CAST: variants seen among roughly 807,000 people sequenced by gnomAD.
CAST encodes MIR583 host.
CAST carries 76 observed loss-of-function variants against 119.6 expected under a neutral mutation model. That is an observed-to-expected ratio of 0.64 (90% CI 0.53 to 0.77). The LOEUF is 0.77. Among genes scored for constraint, CAST ranks in the 30% least tolerant of loss-of-function variants. The pLI, the probability that CAST is intolerant of heterozygous loss-of-function variation, is 0.00. For missense variants in CAST, 953 were observed against 946.5 expected (o/e 1.01, Z -0.09); for synonymous variants, 319 against 331.6 (o/e 0.96, Z 0.41).
chr5:96,561,796 G>GTTTTTGTTTTTTTTTTT (rs1746370693), intron 1 of CAST, among the ~76,000 whole-genome samples: 6 of 97,422 alleles, frequency 6.2e-5, no homozygotes, highest in African/African-American at 2.3e-4. Flanking sequence ...GTTTTTTTTT[G>GTTTTTGTTTTTTTTTTT]TTTTTTTTTT....
At chr5:96,469,303 A>G in the CAST span, among the ~76,000 whole-genome samples, 1 of 152,050 alleles carries the variant, frequency 6.6e-6, no homozygotes, top group African/African-American at 2.4e-5. Context: ...CTAATTTGAG[A>G]GTCTAGATGT....
At chr5:96,580,568 T>C (rs1365209269) in intron 1 of CAST, among the ~76,000 whole-genome samples, 1 of 152,222 alleles carries the variant, frequency 6.6e-6, no homozygotes, top group Non-Finnish European at 1.5e-5. Context: ...AAGATTCTGA[T>C]TTAGCATATC....
At chr5:96,261,547 G>C in the CAST span, among the ~76,000 whole-genome samples, 1 of 152,188 alleles carries the variant, frequency 6.6e-6, no homozygotes, top group African/African-American at 2.4e-5. Flanking sequence ...TTTACAGTAA[G>C]TACTTGCTGT....
At chr5:96,203,028 C>G in the CAST span, among the ~76,000 whole-genome samples, 1 of 152,054 alleles carries the variant, frequency 6.6e-6, no homozygotes, top group Non-Finnish European at 1.5e-5. Context: ...TTCCCACCAT[C>G]TGTAAATAAC....
chr5:96,765,935 C>G, intron 26 of CAST, 118 bp from the exon 27 acceptor site: 2 of 629,778 alleles, frequency 3.2e-6, no homozygotes, highest in East Asian at 5.4e-5. Flanking sequence ...AAAATAAAAA[C>G]AGACCATATG....
At chr5:96,384,354 A>G in the CAST span, among the ~76,000 whole-genome samples, 1 of 152,236 alleles carries the variant, frequency 6.6e-6, no homozygotes, top group African/African-American at 2.4e-5. Context: ...ATTATTGTTC[A>G]ATAAGATACT....
At chr5:96,670,050 C>T (rs1001191763) in intron 1 of CAST, among the ~76,000 whole-genome samples, 3 of 152,136 alleles carry the variant, frequency 2.0e-5, no homozygotes, top group Admixed American at 1.3e-4. Context: ...TCCTCAGGAG[C>T]CCCTGGTAGA....
chr5:96,369,768 C>T, the CAST span, among the ~76,000 whole-genome samples: 4 of 152,114 alleles, frequency 2.6e-5, no homozygotes, highest in African/African-American at 9.7e-5. Flanking sequence ...CCTCAAGTGA[C>T]TCTTTGTCTC....
At chr5:96,439,157 C>T in the CAST span, among the ~76,000 whole-genome samples, 7 of 152,078 alleles carry the variant, frequency 4.6e-5, no homozygotes, top group Non-Finnish European at 7.3e-5. Flanking sequence ...TATCAAGTAA[C>T]GGAAGACACT....
At chr5:96,259,585 A>G in the CAST span, among the ~76,000 whole-genome samples, 1 of 152,306 alleles carries the variant, frequency 6.6e-6, no homozygotes, top group South Asian at 2.1e-4. Flanking sequence ...TGGTCATGCC[A>G]CTTATACCTC....
chr5:96,757,476 G>C lies in CAST; in HGVS notation c.1743G>C (p.Glu581Asp), dbSNP rs144865386. The change falls in exon 23 of 32, where the codon GAG becomes GAC. Residue 581 changes from glutamate to aspartate, a missense_variant. Transcript: ENST00000675179. Reference sequence around the variant, plus strand: ...ATGGAAAGCCACTCCTGCCAAAAGAGTCTAAGGAACAGCTTCCAGTAAGCA... The same window carrying C: ...ATGGAAAGCCACTCCTGCCAAAAGACTCTAAGGAACAGCTTCCAGTAAGCA... ...DKDGKPLLPKESKEQLPPMSE... is the reference protein window; with the variant it reads ...DKDGKPLLPKDSKEQLPPMSE... The C allele has an allele frequency of 5.0e-6, 8 of 1,613,980 alleles. No individual in the cohort carries two copies. The highest frequency in any genetic ancestry group is 6.8e-6 in the Non-Finnish European group (8 of 1,179,988).
chr5:96,004,347 A>C, the CAST span, among the ~76,000 whole-genome samples: 1 of 152,362 alleles, frequency 6.6e-6, no homozygotes, highest in Non-Finnish European at 1.5e-5. Flanking sequence ...ATAAATTTAG[A>C]AAGATTATGT....
chr5:96,575,648 G>GTTTTTTT (rs200064654), intron 1 of CAST, among the ~76,000 whole-genome samples: 1 of 142,610 alleles, frequency 7.0e-6, no homozygotes. Context: ...TTTGTTTTTT[G>GTTTTTTT]TTTTTTTTTT....
chr5:95,977,658 CT>C, the CAST span, among the ~76,000 whole-genome samples: 2 of 151,536 alleles, frequency 1.3e-5, no homozygotes, highest in Admixed American at 6.6e-5. Flanking sequence ...TTTTTTTTCA[CT>C]TTTTTTTAAG....
the CAST span, among the ~76,000 whole-genome samples, chr5:96,519,879 T>A: frequency 6.6e-6 from 1 of 152,238 alleles, no homozygotes; most frequent in Non-Finnish European, 1.5e-5. Context: ...AGTACTAGAA[T>A]TACAGGCATG....
At chr5:96,683,704 T>C (rs1751717988) in intron 2 of CAST, among the ~76,000 whole-genome samples, 1 of 152,232 alleles carries the variant, frequency 6.6e-6, no homozygotes, top group African/African-American at 2.4e-5. Context: ...TGTTTTCCTA[T>C]GAGCAAAACT....
chr5:96,697,166 CA>C (rs1354943815), intron 3 of CAST, among the ~76,000 whole-genome samples: 5 of 149,126 alleles, frequency 3.4e-5, no homozygotes, highest in African/African-American at 1.2e-4. Flanking sequence ...GACCCTGTCT[CA>C]AAAAAAAGAA....
At chr5:96,759,391 C>A (rs2150646034) in intron 24 of CAST, among the ~76,000 whole-genome samples, 1 of 152,122 alleles carries the variant, frequency 6.6e-6, no homozygotes, top group African/African-American at 2.4e-5. Flanking sequence ...TGATAATAGA[C>A]TATTTTAAAA....
intron 1 of CAST, among the ~76,000 whole-genome samples, chr5:96,555,481 G>A (rs532549961): frequency 6.1e-4 from 93 of 152,324 alleles, no homozygotes; most frequent in African/African-American, 2.2e-3. Context: ...CCTAGTCAAA[G>A]AAAGAGGCGA....
Sources: gnomAD v4.1 joint callset for allele counts (sites outside exome capture counted in the v4.1 genomes callset) on GRCh38, gnomAD v4.1.1 for gene constraint, MANE v1.5 for transcripts, NCBI Gene and HGNC (gene_info 2026-07-23, HGNC 2026-07-21) for gene names.